Variants in USP6NL observed in about 807,000 individuals in gnomAD.
USP6NL encodes USP6 N-terminal like, also known as USP6 N-terminal-like protein.
In USP6NL, 26 loss-of-function variants were observed where a neutral mutation model predicts 61.9. The observed-to-expected ratio is 0.42, with a 90% CI of 0.31 to 0.58. USP6NL has a LOEUF of 0.58. Ranked by LOEUF, USP6NL falls within the 20% of genes least tolerant of loss-of-function variation. The pLI is 0.16. For synonymous variants in USP6NL, 432 were observed against 390.1 expected (o/e 1.11, Z -1.27); for missense variants, 1,114 against 1,034.3 (o/e 1.08, Z -1.06).
rs1177572902 is a variant in USP6NL, at chr10:11,579,962, GC to G, written c.4+17668del. Among the ~76,000 whole-genome samples the G allele has an allele frequency of 7.7e-4, 99 of 129,392 alleles. 1 individual carries two copies. Among genetic ancestry groups the G allele is most frequent in the Middle Eastern group, 3.8e-3 (1 of 266 alleles). The allele number at this position is 129,392 out of a possible 152,430, so 84.9% of individuals were successfully genotyped here. ...GATTACAAACCACCAGTGGAGAGTG[GC>G]GGGGGGGGGGCAGCAACGTCTAAAG... is the stretch of plus-strand genomic sequence containing the variant. On this transcript the variant is annotated intron_variant, in intron 2 of 14. Transcript: ENST00000609104.
rs1297444289 is a variant in USP6NL, at chr10:11,527,482, T to TTA, written c.72+16_72+17dup. The TTA allele has an allele frequency of 1.3e-6, 2 of 1,588,232 alleles. No homozygotes were observed. The highest frequency in any genetic ancestry group is 1.7e-6 in the Non-Finnish European group (2 of 1,165,560). ...TTTCTAATAAAACTCACCCAAAGTGTTAAATATGGATACTTACTCTGTCAT... is the reference window on the plus strand; with the variant it reads ...TTTCTAATAAAACTCACCCAAAGTGTTATAAATATGGATACTTACTCTGTCAT... On this transcript the variant is annotated intron_variant, in intron 3 of 14. Coordinates refer to ENST00000609104, the MANE Select transcript of USP6NL (RefSeq NM_014688.5).
At chr10:11,533,607 T>C (rs1638614148) in intron 2 of USP6NL, among the ~76,000 whole-genome samples, 1 of 152,130 alleles carries the variant, frequency 6.6e-6, no homozygotes, top group Admixed American at 6.5e-5. Flanking sequence ...AGGCAGCCTT[T>C]AGAGCAAGAA....
Position 11,476,640 on chromosome 10 carries a change from A to G in USP6NL, c.1078+5130T>C, listed in dbSNP as rs1255634193. Among the ~76,000 whole-genome samples, 1 of 152,178 alleles carries G rather than the reference A, an allele frequency of 6.6e-6. No homozygotes were observed. The highest frequency in any genetic ancestry group is 1.5e-5 in the Non-Finnish European group (1 of 68,032). On this transcript the variant is annotated intron_variant, in intron 14 of 14. Transcript: ENST00000609104. This position sits in a 1 kb window ranked among gnomAD's most constrained non-coding sequence, Gnocchi z 4.3. ...TTGATAGTTTTCATAAGTAAAATAA[A>G]AGATGCCAAACCCACACACAAAAAC... is the stretch of plus-strand genomic sequence containing the variant.
At chr10:11,526,936 T>C (rs902711613) in intron 3 of USP6NL, among the ~76,000 whole-genome samples, 9 of 152,184 alleles carry the variant, frequency 5.9e-5, no homozygotes, top group African/African-American at 1.9e-4. Flanking sequence ...AAATTTATAA[T>C]AGCAGATGTA....
rs1407238488 is a variant in USP6NL at position 11,478,911 on chromosome 10, T to TAAAAAAAAAAAAAAAAAAAAAAAAAAAA, written c.1078+2858_1078+2859insTTTTTTTTTTTTTTTTTTTTTTTTTTTT. ...ACAGAGTGAGACCCTGTCTCATGTT[T>TAAAAAAAAAAAAAAAAAAAAAAAAAAAA]AAAAAGTGTAACTGGAAAAGCAGAG... On this transcript the variant is annotated intron_variant, in intron 14 of 14. Coordinates refer to ENST00000609104, the MANE Select transcript of USP6NL (RefSeq NM_014688.5). This position sits in a 1 kb window ranked among gnomAD's most constrained non-coding sequence, Gnocchi z 6.8. Among the ~76,000 whole-genome samples the TAAAAAAAAAAAAAAAAAAAAAAAAAAAA allele has an allele frequency of 7.4e-6, 1 of 135,408 alleles. No homozygotes were observed. Among genetic ancestry groups the TAAAAAAAAAAAAAAAAAAAAAAAAAAAA allele is most frequent in the South Asian group, 3.0e-4 (1 of 3,336 alleles). The allele number at this position is 135,408 out of a possible 152,430, so 88.8% of individuals were successfully genotyped here.
At chr10:11,569,588 G>C (rs1036379178) in intron 2 of USP6NL, among the ~76,000 whole-genome samples, 3 of 152,174 alleles carry the variant, frequency 2.0e-5, no homozygotes, top group Non-Finnish European at 4.4e-5. Context: ...TTTTTGGCAG[G>C]AGTGGCACTG....
rs1424918993 is a variant in USP6NL at position 11,523,624 on chromosome 10, G to C, written c.155+1762C>G. ...TGCTAAAAAGCCAAATACAGCATTT[G>C]CCAGTTTAAAAAAAAGTACCTCTTG... On this transcript the variant is annotated intron_variant, in intron 4 of 14. Coordinates refer to ENST00000609104, the MANE Select transcript of USP6NL (RefSeq NM_014688.5). Among the ~76,000 whole-genome samples, 5 of 152,196 alleles carry C rather than the reference G, an allele frequency of 3.3e-5. No homozygotes were observed. The East Asian group carries it at 9.6e-4, about 29-fold the overall frequency.
In USP6NL at chr10:11,482,123, C is replaced by A. The variant is rs1291524455; in HGVS notation, c.926-201G>T. 1.3e-5 allele frequency among the ~76,000 whole-genome samples: 2 copies of A among 152,132 alleles called. No individual in the cohort carries two copies. The highest frequency in any genetic ancestry group is 3.8e-4 in the East Asian group (2 of 5,198). On this transcript the variant is annotated intron_variant, in intron 13 of 14. Transcript: ENST00000609104. This position sits in a 1 kb window ranked among gnomAD's most constrained non-coding sequence, Gnocchi z 4.0. Reference sequence around the variant, plus strand: ...ATATTAAAGCAGCCACAGAGAAAAGCAGGAAAGTTTACTGGGAGAAAGGAT... The same window carrying A: ...ATATTAAAGCAGCCACAGAGAAAAGAAGGAAAGTTTACTGGGAGAAAGGAT...
rs1297098753 is a variant in USP6NL at position 11,489,014 on chromosome 10, A to G, written c.664+88T>C. The G allele has an allele frequency of 6.5e-7, 1 of 1,547,814 alleles. No individual in the cohort carries two copies. The highest frequency in any genetic ancestry group is 2.3e-5 in the East Asian group (1 of 44,144). ...AGCCCTGAGACATTAAATTTGCTGT[A>G]TGTAACTCTTGCAAGCATCTTTGGT... On this transcript the variant is annotated intron_variant, in intron 10 of 14. Transcript: ENST00000609104. This position sits in a 1 kb window ranked among gnomAD's most constrained non-coding sequence, Gnocchi z 5.7.
At chr10:11,473,989 G>A (rs537236103) in intron 14 of USP6NL, among the ~76,000 whole-genome samples, 1 of 152,070 alleles carries the variant, frequency 6.6e-6, no homozygotes, top group Non-Finnish European at 1.5e-5. Flanking sequence ...AAGCCATCTC[G>A]CAGGCACCAC....
chr10:11,495,463 A>C lies in USP6NL; in HGVS notation c.385-2235T>G, dbSNP rs528272726. Among the ~76,000 whole-genome samples, 62 of 152,058 alleles carry C rather than the reference A, an allele frequency of 4.1e-4. No homozygotes were observed. In the South Asian group the frequency reaches 0.013, roughly 32 times the overall value. ...CCTCCATTCCCATTTTCTTTTTCTGAAACTCTTATTATTACAGTCTGGGAA... is the reference window on the plus strand; with the variant it reads ...CCTCCATTCCCATTTTCTTTTTCTGCAACTCTTATTATTACAGTCTGGGAA... On this transcript the variant is annotated intron_variant, in intron 7 of 14. Coordinates refer to ENST00000609104, the MANE Select transcript of USP6NL (RefSeq NM_014688.5). This position sits in a 1 kb window ranked among gnomAD's most constrained non-coding sequence, Gnocchi z 4.6.
intron 2 of USP6NL, among the ~76,000 whole-genome samples, chr10:11,579,277 T>G (rs1837659385): frequency 6.6e-6 from 1 of 152,190 alleles, no homozygotes; most frequent in South Asian, 2.1e-4. Context: ...CAGAATACCA[T>G]ATGGAAAAAT....
rs2096224585 is a variant in USP6NL, at chr10:11,463,226, C to T, written c.1702G>A (p.Ala568Thr). ...CTCTGGGAGTAAGCCCTTTCCAGCGCCTCCTCCACGGAAGCGCCGCTGTCC... is the reference window on the plus strand; with the variant it reads ...CTCTGGGAGTAAGCCCTTTCCAGCGTCTCCTCCACGGAAGCGCCGCTGTCC... ...ELDSGASVEE[A>T]LERAYSQSPR... The change falls in exon 15 of 15, where the codon GCG (alanine) becomes ACG (threonine). Residue 568 changes from alanine to threonine, a missense_variant. Ala to Thr is a moderately conservative substitution (Grantham distance 58). Transcript: ENST00000609104. The surrounding 1 kb of genome is among the most constrained non-coding windows in gnomAD (Gnocchi z 6.3). 10 of 1,613,366 alleles carry T rather than the reference C, an allele frequency of 6.2e-6. No individual in the cohort carries two copies. The highest frequency in any genetic ancestry group is 8.5e-6 in the Non-Finnish European group (10 of 1,179,890).
At position 11,575,360 on chromosome 10, in the gene USP6NL, T is replaced by C. The variant is rs567330483; in HGVS notation, c.4+22271A>G. 6.6e-6 allele frequency among the ~76,000 whole-genome samples: 1 copy of C among 152,224 alleles called. No homozygotes were observed. Among genetic ancestry groups the C allele is most frequent in the Non-Finnish European group, 1.5e-5 (1 of 68,036 alleles). ...TACTGCCTTTGTTTTCCAATCATGT[T>C]TCCAGCTCCTGAGAAATTACTTCCT... On this transcript the variant is annotated intron_variant, in intron 2 of 14. Transcript: ENST00000609104. This position sits in a 1 kb window ranked among gnomAD's most constrained non-coding sequence, Gnocchi z 4.2.
intron 2 of USP6NL, among the ~76,000 whole-genome samples, chr10:11,554,122 G>C (rs1166244212): frequency 1.3e-5 from 2 of 152,158 alleles, no homozygotes; most frequent in Non-Finnish European, 2.9e-5. Flanking sequence ...TTGTATTGCA[G>C]ACAGAAGGAG....
In USP6NL at chr10:11,525,542, A is replaced by G; in HGVS notation, c.73-74T>C. On this transcript the variant is annotated intron_variant, in intron 3 of 14. Coordinates refer to ENST00000609104, the MANE Select transcript of USP6NL (RefSeq NM_014688.5). This position sits in a 1 kb window ranked among gnomAD's most constrained non-coding sequence, Gnocchi z 5.0. ...ATAATTTTTTAAAATAAAAGGACGA[A>G]GAAATAAGAGCTATTTTTAATGTAT... is the stretch of plus-strand genomic sequence containing the variant. 8.0e-7 allele frequency: 1 copy of G among 1,256,460 alleles called. No individual in the cohort carries two copies. The highest frequency in any genetic ancestry group is 1.5e-5 in the South Asian group (1 of 64,668). The allele number at this position is 1,256,460 out of a possible 1,614,324, so 77.8% of individuals were successfully genotyped here.
chr10:11,487,055 A>C lies in USP6NL; in HGVS notation c.665-1144T>G, dbSNP rs1591833738. On this transcript the variant is annotated intron_variant, in intron 10 of 14. Transcript: ENST00000609104. This position sits in a 1 kb window ranked among gnomAD's most constrained non-coding sequence, Gnocchi z 4.2. The stretch of plus-strand genomic sequence containing the variant: ...TCAGTGAAATTGTTTCATTAAAAAA[A>C]AAAAATCCGTATCTATCAGTGCCAC... Among the ~76,000 whole-genome samples the C allele has an allele frequency of 6.6e-6, 1 of 152,334 alleles. No homozygotes were observed. Among genetic ancestry groups the C allele is most frequent in the East Asian group, 1.9e-4 (1 of 5,192 alleles).
At chr10:11,568,975 G>C (rs1837265293) in intron 2 of USP6NL, among the ~76,000 whole-genome samples, 1 of 152,224 alleles carries the variant, frequency 6.6e-6, no homozygotes, top group South Asian at 2.1e-4. Context: ...AGAGAATGGA[G>C]ATTGGGTGGA....
At position 11,569,040 on chromosome 10, in the gene USP6NL, C is replaced by T. The variant is rs750745535; in HGVS notation, c.4+28591G>A. On this transcript the variant is annotated intron_variant, in intron 2 of 14. Coordinates refer to ENST00000609104, the MANE Select transcript of USP6NL (RefSeq NM_014688.5). ...TTTCTCAAGTTCTCATTAAATAATT[C>T]TTGTCATAGTATCTTCTTTTTTGTC... 2.6e-5 allele frequency among the ~76,000 whole-genome samples: 4 copies of T among 152,202 alleles called. No individual in the cohort carries two copies. The South Asian group carries it at 8.3e-4, about 32-fold the overall frequency.
Sources: allele counts gnomAD v4.1 joint callset (sites outside exome capture counted in the v4.1 genomes callset), GRCh38; gene constraint gnomAD v4.1.1; non-coding constraint Gnocchi (gnomAD v3.1); transcripts MANE v1.5; gene names NCBI Gene and HGNC (gene_info 2026-07-23, HGNC 2026-07-21).